FAAH2: variants seen among roughly 807,000 people sequenced by gnomAD.
FAAH2 encodes the protein fatty-acid amide hydrolase 2.
Under a neutral mutation model 36.9 loss-of-function variants are expected in FAAH2, and 60 were observed. The ratio of observed to expected loss-of-function variants is 1.63; its 90% confidence interval spans 1.32 to 2.02. FAAH2 has a LOEUF of 2.02. Ranked by LOEUF, FAAH2 falls within the 30% of genes most tolerant of loss-of-function variation. The pLI is 0.00. For synonymous variants in FAAH2, 214 were observed against 143.8 expected (o/e 1.49, Z -3.49); for missense variants, 689 against 397.5 (o/e 1.73, Z -6.23).
the FAAH2 span, among the ~76,000 whole-genome samples, chrX:57,215,906 CATATATAT>C: frequency 0.4 from 35,964 of 89,152 alleles, 7,173 homozygotes; most frequent in African/African-American, 0.72. Context: ...CCATGGCACT[CATATATAT>C]ATATATATAT....
intron 7 of FAAH2, among the ~76,000 whole-genome samples, chrX:57,421,993 A>G (rs749344761): frequency 2.0e-4 from 22 of 112,070 alleles, no homozygotes; most frequent in African/African-American, 6.8e-4. Context: ...GGAGCTGAAG[A>G]GTCCTGCTCC....
At chrX:57,219,775 CA>C in the FAAH2 span, among the ~76,000 whole-genome samples, 12 of 90,288 alleles carry the variant, frequency 1.3e-4, no homozygotes, top group Admixed American at 1.2e-4. Context: ...TCCTCTGTTC[CA>C]AAAAAAAAAA....
chrX:57,263,752 G>T, the FAAH2 span, among the ~76,000 whole-genome samples: 2 of 111,159 alleles, frequency 1.8e-5, no homozygotes, highest in African/African-American at 3.3e-5. Flanking sequence ...CTGGAAAAAA[G>T]AAAAGAAGAA....
chrX:57,280,561 A>G, the FAAH2 span, among the ~76,000 whole-genome samples: 1 of 110,355 alleles, frequency 9.1e-6, no homozygotes, highest in Admixed American at 9.7e-5. Flanking sequence ...ACTGTAAGAA[A>G]TGCTGCTGAG....
intron 1 of FAAH2, among the ~76,000 whole-genome samples, chrX:57,287,963 C>T (rs1188231626): frequency 6.3e-5 from 7 of 111,288 alleles, no homozygotes; most frequent in Non-Finnish European, 1.1e-4. Context: ...TGTCTTCTTG[C>T]CGTACCCCCT....
intron 5 of FAAH2, among the ~76,000 whole-genome samples, chrX:57,365,493 T>C (rs2054390903): frequency 8.9e-6 from 1 of 111,819 alleles, no homozygotes; most frequent in South Asian, 3.8e-4. Context: ...TTAACATATT[T>C]TCTTTCACAT....
chrX:57,257,614 C>G, the FAAH2 span, among the ~76,000 whole-genome samples: 3 of 110,168 alleles, frequency 2.7e-5, no homozygotes, highest in African/African-American at 9.9e-5. Context: ...ATGGGTGCAG[C>G]AAACCACCAT....
chrX:57,259,825 T>A, the FAAH2 span, among the ~76,000 whole-genome samples: 3 of 112,149 alleles, frequency 2.7e-5, no homozygotes, highest in Non-Finnish European at 5.6e-5. Context: ...TTGTTCATTA[T>A]ACCTTAACAA....
chrX:57,368,837 C>T (rs1602426224), intron 5 of FAAH2, among the ~76,000 whole-genome samples: 1 of 110,485 alleles, frequency 9.1e-6, no homozygotes, highest in Admixed American at 9.7e-5. Flanking sequence ...TATGACATTA[C>T]CAATGAAACA....
At chrX:57,143,786 T>C in the FAAH2 span, among the ~76,000 whole-genome samples, 2 of 111,831 alleles carry the variant, frequency 1.8e-5, no homozygotes, top group East Asian at 5.6e-4. Flanking sequence ...CCTGTTATTA[T>C]TTTTGATAGC....
chrX:57,344,151 A>T (rs1207995965), intron 5 of FAAH2, among the ~76,000 whole-genome samples: 1 of 109,916 alleles, frequency 9.1e-6, no homozygotes, highest in East Asian at 2.8e-4. Flanking sequence ...TCTGTGAAAA[A>T]TAACAGTATT....
chrX:57,211,606 C>G, the FAAH2 span, among the ~76,000 whole-genome samples: 2 of 111,958 alleles, frequency 1.8e-5, no homozygotes, highest in East Asian at 5.6e-4. Context: ...ACACCACCTA[C>G]TGGCTGGGAG....
At chrX:57,348,477 G>T (rs957356475) in intron 5 of FAAH2, among the ~76,000 whole-genome samples, 1 of 110,753 alleles carries the variant, frequency 9.0e-6, no homozygotes, top group Non-Finnish European at 1.9e-5. Context: ...AGACACCCAG[G>T]GGCCCAAGAA....
chrX:57,217,168 C>T, the FAAH2 span, among the ~76,000 whole-genome samples: 1 of 108,321 alleles, frequency 9.2e-6, no homozygotes, highest in Non-Finnish European at 1.9e-5. Flanking sequence ...GTTGTAGAGT[C>T]TGGATATTAG....
chrX:57,259,785 T>C, the FAAH2 span, among the ~76,000 whole-genome samples: 3 of 112,064 alleles, frequency 2.7e-5, no homozygotes, highest in African/African-American at 9.7e-5. Context: ...AAACACCACA[T>C]TGTATACCTT....
the FAAH2 span, among the ~76,000 whole-genome samples, chrX:57,203,149 CAG>C: frequency 1.2e-4 from 13 of 111,834 alleles, no homozygotes; most frequent in Non-Finnish European, 2.4e-4. Flanking sequence ...GAGCCCTGAA[CAG>C]AGATTTACCC....
At chrX:57,174,984 G>C in the FAAH2 span, among the ~76,000 whole-genome samples, 1 of 111,806 alleles carries the variant, frequency 8.9e-6, no homozygotes, top group Admixed American at 9.5e-5. Flanking sequence ...ATTGAGGCTT[G>C]TTTTCTGGGC....
the FAAH2 span, among the ~76,000 whole-genome samples, chrX:57,199,255 G>C: frequency 1.8e-5 from 2 of 110,697 alleles, no homozygotes; most frequent in Non-Finnish European, 3.8e-5. Flanking sequence ...TGCTTTTGCT[G>C]TATCCCATAG....
rs977067690 is a variant in FAAH2, at chrX:57,412,671, C to T, written c.997-19247C>T. Among the ~76,000 whole-genome samples, 3 of 111,924 alleles carry T rather than the reference C, an allele frequency of 2.7e-5. No homozygotes were observed. In the Admixed American group the frequency reaches 2.9e-4, roughly 11 times the overall value. On this transcript the variant is annotated intron_variant, in intron 7 of 10. Coordinates refer to ENST00000374900, the MANE Select transcript of FAAH2 (RefSeq NM_174912.4). ...CAAGTCTTTGCTACTGTGAACAGTG[C>T]TGCAATAAACATATGTGTGTGTGTG...
Sources: gnomAD v4.1 joint callset for allele counts (sites outside exome capture counted in the v4.1 genomes callset) on GRCh38, gnomAD v4.1.1 for gene constraint, MANE v1.5 for transcripts, NCBI Gene and HGNC (gene_info 2026-07-23, HGNC 2026-07-21) for gene names.